The following FRMPD1 variants were observed in gnomAD, a reference collection of about 807,000 sequenced individuals.
FRMPD1 encodes the protein FERM and PDZ domain containing 1, also known as FERM and PDZ domain-containing protein 1.
In FRMPD1, 76 loss-of-function variants were observed where a neutral mutation model predicts 117.8. The observed-to-expected ratio is 0.65, with a 90% CI of 0.54 to 0.78. The LOEUF (loss-of-function observed/expected upper bound fraction) is 0.78. Among genes scored for constraint, FRMPD1 ranks in the 30% least tolerant of loss-of-function variants. FRMPD1 has a pLI of 0.00. For missense variants in FRMPD1, 1,786 were observed against 1,964.5 expected (o/e 0.91, Z 1.72); for synonymous variants, 783 against 770.4 (o/e 1.02, Z -0.27).
At chr9:37,660,055 C>T (rs1314929061) in intron 1 of FRMPD1, among the ~76,000 whole-genome samples, 2 of 151,922 alleles carry the variant, frequency 1.3e-5, no homozygotes, top group South Asian at 2.1e-4. Context: ...AGACTCTCCA[C>T]TCATTGCTGC....
At position 37,658,418 on chromosome 9, in the gene FRMPD1, TCTGA is replaced by T. The variant is rs1820903448; in HGVS notation, c.-5+7327_-5+7330del. ...CTCTGGGACTCAGATCCCTCATCTG[TCTGA>T]CTACTTCTTAGGTGCTGTATTTTTT... On this transcript the variant is annotated intron_variant, in intron 1 of 15. Transcript: ENST00000377765. 2.0e-5 allele frequency among the ~76,000 whole-genome samples: 3 copies of T among 152,198 alleles called. No individual in the cohort carries two copies. The South Asian group carries it at 6.2e-4, about 32-fold the overall frequency.
At chr9:37,618,159 C>A in the FRMPD1 span, among the ~76,000 whole-genome samples, 18 of 152,244 alleles carry the variant, frequency 1.2e-4, no homozygotes, top group Non-Finnish European at 2.1e-4. Flanking sequence ...TGATAGCCTT[C>A]GGCAGGGACA....
chr9:37,645,448 T>C, the FRMPD1 span, among the ~76,000 whole-genome samples: 1 of 152,162 alleles, frequency 6.6e-6, no homozygotes, highest in Admixed American at 6.5e-5. Context: ...AGACAAGGCT[T>C]AGATGAGAGC....
In FRMPD1 at chr9:37,723,336, G is replaced by A. The variant is rs79065422; in HGVS notation, c.517-889G>A. Among the ~76,000 whole-genome samples the A allele has an allele frequency of 5.3e-3, 806 of 152,296 alleles. 4 individuals are homozygous for A. The highest frequency in any genetic ancestry group is 7.2e-3 in the Non-Finnish European group (493 of 68,020). On this transcript the variant is annotated intron_variant, in intron 6 of 15. Coordinates refer to ENST00000377765, the MANE Select transcript of FRMPD1 (RefSeq NM_014907.3). ...ATGAGACATTGCACAGGCTCGCGCA[G>A]TGCTATCAGTACGCTCGTAGAAGGG...
At position 37,746,244 on chromosome 9, in the gene FRMPD1, C is replaced by T; in HGVS notation, c.4212C>T (p.Cys1404=). 1 of 1,612,978 alleles carries T rather than the reference C, an allele frequency of 6.2e-7. No individual in the cohort carries two copies. Among genetic ancestry groups the T allele is most frequent in the Non-Finnish European group, 8.5e-7 (1 of 1,179,876 alleles). ...SRKSHIWPEY[C]SRALRQLKAT... is the part of the protein sequence containing the mutation. ...AAAGCCACATCTGGCCAGAGTACTG[C>T]TCCAGGGCACTGAGACAGCTGAAAG... The change falls in exon 16 of 16, where the codon TGC becomes TGT. Residue 1404 remains cysteine (C), a synonymous_variant. Coordinates refer to ENST00000377765, the MANE Select transcript of FRMPD1 (RefSeq NM_014907.3).
the FRMPD1 span, among the ~76,000 whole-genome samples, chr9:37,610,383 A>C: frequency 6.6e-6 from 1 of 152,182 alleles, no homozygotes; most frequent in Non-Finnish European, 1.5e-5. Flanking sequence ...TTGTTGAATA[A>C]CTGAATAAAT....
chr9:37,674,032 T>C (rs542085478), intron 1 of FRMPD1, among the ~76,000 whole-genome samples: 1 of 152,374 alleles, frequency 6.6e-6, no homozygotes, highest in African/African-American at 2.4e-5. Flanking sequence ...TTATGCAGAT[T>C]TCTGAAGCTG....
At chr9:37,613,242 C>G in the FRMPD1 span, among the ~76,000 whole-genome samples, 1 of 152,170 alleles carries the variant, frequency 6.6e-6, no homozygotes, top group Non-Finnish European at 1.5e-5. Context: ...TGCATCCATT[C>G]ACTCAGTGAA....
intron 1 of FRMPD1, among the ~76,000 whole-genome samples, chr9:37,685,511 G>A (rs959625641): frequency 4.6e-5 from 7 of 152,048 alleles, no homozygotes; most frequent in Admixed American, 4.6e-4. Context: ...ATTTAGCCGG[G>A]CGTGGTGGCG....
Position 37,653,753 on chromosome 9 carries a change from G to A in FRMPD1, c.-5+2659G>A, listed in dbSNP as rs187321992. Among the ~76,000 whole-genome samples the A allele has an allele frequency of 1.9e-3, 289 of 152,188 alleles. 2 individuals carry two copies. The highest frequency in any genetic ancestry group is 6.7e-3 in the African/African-American group (280 of 41,542). On this transcript the variant is annotated intron_variant, in intron 1 of 15. Transcript: ENST00000377765. ...TTAGATTTGCAGTGGTCAAAGAATA[G>A]GATACAACCTGGGTAGCATAGTGAG...
At chr9:37,656,912 T>C (rs1242761483) in intron 1 of FRMPD1, among the ~76,000 whole-genome samples, 1 of 143,358 alleles carries the variant, frequency 7.0e-6, no homozygotes, top group Non-Finnish European at 1.5e-5. Flanking sequence ...GTGGCCTTAA[T>C]ATTAGTTGTT....
At chr9:37,742,138 AAATG>A (rs1027205285) in intron 15 of FRMPD1, among the ~76,000 whole-genome samples, 1 of 151,080 alleles carries the variant, frequency 6.6e-6, no homozygotes, top group African/African-American at 2.4e-5. Context: ...AATTGTTGTT[AAATG>A]AATGAATGAA....
At chr9:37,693,505 G>C (rs1011875105) in intron 2 of FRMPD1, among the ~76,000 whole-genome samples, 1 of 152,206 alleles carries the variant, frequency 6.6e-6, no homozygotes, top group Non-Finnish European at 1.5e-5. Flanking sequence ...CTGTGGCCAA[G>C]TTCTCTGATC....
the FRMPD1 span, among the ~76,000 whole-genome samples, chr9:37,623,495 C>A: frequency 6.6e-6 from 1 of 152,086 alleles, no homozygotes; most frequent in Non-Finnish European, 1.5e-5. Context: ...AAGTAAAGGC[C>A]CCTCTAGGCT....
At chr9:37,649,975 G>C (rs1233480313), upstream of FRMPD1, among the ~76,000 whole-genome samples, 2 of 152,144 alleles carry the variant, frequency 1.3e-5, no homozygotes, top group Non-Finnish European at 2.9e-5. Context: ...TCCATTTAGA[G>C]CATGCCCTCT....
intron 6 of FRMPD1, 85 bp from the exon 7 acceptor site, chr9:37,724,140 C>A (rs1384921228): frequency 2.9e-6 from 2 of 682,492 alleles, no homozygotes; most frequent in Admixed American, 4.1e-5. Context: ...TACCACTGTT[C>A]TCCAGCCTGG....
At chr9:37,637,286 G>A in the FRMPD1 span, 1 of 1,546,142 alleles carries the variant, frequency 6.5e-7, no homozygotes, top group Non-Finnish European at 8.9e-7. Flanking sequence ...GTCATATCCG[G>A]GGTTCATGGC....
intron 7 of FRMPD1, among the ~76,000 whole-genome samples, chr9:37,728,654 T>C (rs1823720638): frequency 6.6e-6 from 1 of 152,084 alleles, no homozygotes; most frequent in Non-Finnish European, 1.5e-5. Context: ...AGGAAGTGAC[T>C]GGGGTTCAAA....
chr9:37,637,963 G>GCTTTCTTC, the FRMPD1 span, among the ~76,000 whole-genome samples: 1 of 100,030 alleles, frequency 1.0e-5, no homozygotes, highest in Non-Finnish European at 2.0e-5. Flanking sequence ...AATGGTGTAT[G>GCTTTCTTC]CTTTCTTTCT....
Sources: gnomAD v4.1 joint callset for allele counts (sites outside exome capture counted in the v4.1 genomes callset) on GRCh38, gnomAD v4.1.1 for gene constraint, MANE v1.5 for transcripts, NCBI Gene and HGNC (gene_info 2026-07-23, HGNC 2026-07-21) for gene names.